The following LIPA variants were observed in gnomAD, a reference collection of about 807,000 sequenced individuals.
LIPA encodes lysosomal acid lipase/cholesteryl ester hydrolase.
In LIPA, 26 loss-of-function variants were observed where a neutral mutation model predicts 40.6. The observed-to-expected ratio is 0.64, with a 90% CI of 0.47 to 0.89. The LOEUF is 0.89. Among genes scored for constraint, LIPA ranks in the 40% least tolerant of loss-of-function variants. LIPA has a pLI of 0.00. For missense variants in LIPA, 455 were observed against 479.6 expected, an observed-to-expected ratio of 0.95 and a Z score of 0.48; for synonymous variants, 188 against 168.4, an observed-to-expected ratio of 1.12 and a Z score of -0.90.
chr10:89,263,736 T>C (rs1261353843), intron 1 of LIPA, among the ~76,000 whole-genome samples: 2 of 152,252 alleles, frequency 1.3e-5, no homozygotes, highest in Admixed American at 6.5e-5. Context: ...TTTTGCCCAC[T>C]TGGCCTGGCA....
chr10:89,321,031 C>T (rs368248343), intron 1 of LIPA, among the ~76,000 whole-genome samples: 2,752 of 151,926 alleles, frequency 0.018, 40 homozygotes, highest in African/African-American at 0.043. Flanking sequence ...AAAGCTGAAA[C>T]TGGATCCCTT....
chr10:89,403,575 G>C (rs773499776), intron 2 of LIPA: 7 of 1,613,926 alleles, frequency 4.3e-6, no homozygotes, highest in Non-Finnish European at 5.9e-6. Context: ...TCGGAGAAAG[G>C]CATTAGATCT....
At chr10:89,262,977 T>TTGC (rs1843218739) in intron 1 of LIPA, among the ~76,000 whole-genome samples, 1 of 152,244 alleles carries the variant, frequency 6.6e-6, no homozygotes, top group African/African-American at 2.4e-5. Flanking sequence ...TACTAACATG[T>TTGC]TGCTGTTGGC....
At chr10:89,248,635 C>A (rs1843070372) in intron 1 of LIPA, among the ~76,000 whole-genome samples, 1 of 148,946 alleles carries the variant, frequency 6.7e-6, no homozygotes. Context: ...CCACCACGCC[C>A]GGCAAATTTT....
intron 2 of LIPA, among the ~76,000 whole-genome samples, chr10:89,396,685 T>A (rs181743458): frequency 6.6e-6 from 1 of 152,336 alleles, no homozygotes; most frequent in Admixed American, 6.5e-5. Flanking sequence ...GTAGATTTGG[T>A]GGGGACAATC....
intron 2 of LIPA, among the ~76,000 whole-genome samples, chr10:89,380,163 G>A (rs1295753309): frequency 1.3e-5 from 2 of 152,194 alleles, no homozygotes; most frequent in Non-Finnish European, 1.5e-5. Flanking sequence ...CTGGGCGTAT[G>A]TTTCTAGAAG....
chr10:89,235,902 A>G (rs968889834), intron 3 of LIPA, among the ~76,000 whole-genome samples: 1 of 152,252 alleles, frequency 6.6e-6, no homozygotes, highest in African/African-American at 2.4e-5. Flanking sequence ...CCCTGATAGT[A>G]ACAATAATAA....
At chr10:89,306,029 A>T in intron 1 of LIPA, 1 of 1,614,078 alleles carries the variant, frequency 6.2e-7, no homozygotes, top group East Asian at 2.2e-5. Flanking sequence ...CTGGAACTTG[A>T]TGGAGGGAGA....
upstream of LIPA, among the ~76,000 whole-genome samples, chr10:89,346,868 A>C (rs1186489581): frequency 6.6e-6 from 1 of 152,216 alleles, no homozygotes; most frequent in Non-Finnish European, 1.5e-5. Flanking sequence ...AATCTTACAA[A>C]GGGAAATCCT....
chr10:89,251,231 C>T lies in LIPA; in HGVS notation c.-2+506G>A, dbSNP rs1843115243. On this transcript the variant is annotated intron_variant, in intron 1 of 9. Transcript: ENST00000336233. ...CCATTTTTCAGGAATCTGAGGTTCA[C>T]CCAGCTGAAGTACTGGAAGCAAAGT... Among the ~76,000 whole-genome samples, 5 of 152,210 alleles carry T rather than the reference C, an allele frequency of 3.3e-5. No homozygotes were observed. In the South Asian group the frequency reaches 1.0e-3, roughly 32 times the overall value.
chr10:89,255,777 G>A (rs913461918), upstream of LIPA, among the ~76,000 whole-genome samples: 10 of 152,146 alleles, frequency 6.6e-5, no homozygotes, highest in Non-Finnish European at 1.2e-4. Flanking sequence ...TTCTAGATGT[G>A]TTGGTTTTGA....
chr10:89,283,163 G>A (rs543041172), intron 1 of LIPA, among the ~76,000 whole-genome samples: 1 of 152,298 alleles, frequency 6.6e-6, no homozygotes, highest in South Asian at 2.1e-4. Flanking sequence ...ACCTACTCCT[G>A]TGCCACTCAC....
At chr10:89,225,403 T>C (rs1234704456) in intron 5 of LIPA, among the ~76,000 whole-genome samples, 175 bp from the exon 6 acceptor site, 1 of 152,196 alleles carries the variant, frequency 6.6e-6, no homozygotes, top group Non-Finnish European at 1.5e-5. Flanking sequence ...CCGTGTGCCC[T>C]AACACTGAAT....
Position 89,386,498 on chromosome 10 carries a change from G to C in LIPA, c.61+26293C>G, listed in dbSNP as rs184764056. Among the ~76,000 whole-genome samples the C allele has an allele frequency of 2.0e-5, 3 of 152,314 alleles. No homozygotes were observed. In the South Asian group the frequency reaches 6.2e-4, roughly 32 times the overall value. ...ACAAGGTGTGATTCAGGCTCACCTGGCCTCTGAATTCCTTACTTGTAACTG... is the reference window on the plus strand; with the variant it reads ...ACAAGGTGTGATTCAGGCTCACCTGCCCTCTGAATTCCTTACTTGTAACTG... On this transcript the variant is annotated intron_variant, in intron 2 of 8. Transcript: ENST00000371837.
At chr10:89,232,348 G>A (rs1226715134) in intron 3 of LIPA, among the ~76,000 whole-genome samples, 1 of 152,080 alleles carries the variant, frequency 6.6e-6, no homozygotes, top group South Asian at 2.1e-4. Context: ...TGAGTAAGGT[G>A]ACTTGACTTT....
chr10:89,253,598 A>C (rs951684142), upstream of LIPA, among the ~76,000 whole-genome samples: 30 of 152,254 alleles, frequency 2.0e-4, 1 homozygote, highest in Admixed American at 1.5e-3. Context: ...GCCACTCCCA[A>C]ATCTCATGTC....
At chr10:89,297,863 G>A (rs1225872575) in intron 1 of LIPA, among the ~76,000 whole-genome samples, 2 of 152,174 alleles carry the variant, frequency 1.3e-5, no homozygotes, top group African/African-American at 4.8e-5. Flanking sequence ...CCAGATGGCC[G>A]CCTGTCTGGT....
intron 2 of LIPA, chr10:89,392,691 G>A: frequency 6.2e-7 from 1 of 1,613,970 alleles, no homozygotes; most frequent in Non-Finnish European, 8.5e-7. Flanking sequence ...CCTGCAGAAC[G>A]GCTGCCTAAT....
At chr10:89,227,356 A>G (rs1380566217) in intron 4 of LIPA, among the ~76,000 whole-genome samples, 2 of 152,240 alleles carry the variant, frequency 1.3e-5, no homozygotes, top group East Asian at 3.8e-4. Context: ...ATATAAATAT[A>G]CAACACTTTA....
Sources: allele counts gnomAD v4.1 joint callset (sites outside exome capture counted in the v4.1 genomes callset), GRCh38; gene constraint gnomAD v4.1.1; transcripts MANE v1.5; gene names NCBI Gene and HGNC (gene_info 2026-07-23, HGNC 2026-07-21).